The following RYR1 variants were observed in gnomAD, a reference collection of about 807,000 sequenced individuals.
RYR1 encodes ryanodine receptor 1, also known as central core disease of muscle.
RYR1 carries 342 observed loss-of-function variants against 583.5 expected under a neutral mutation model. That is an observed-to-expected ratio of 0.59 (90% CI 0.54 to 0.64). The LOEUF (loss-of-function observed/expected upper bound fraction) is 0.64. Ranked by LOEUF, RYR1 falls within the 30% of genes least tolerant of loss-of-function variation. The probability of loss-of-function intolerance (pLI) is 0.00; values close to 1 mark genes in which losing one functional copy is unlikely to be tolerated. For missense variants in RYR1, 6,032 were observed against 6,917.2 expected, an observed-to-expected ratio of 0.87 and a Z score of 4.54; for synonymous variants, 2,791 against 2,822.5, an observed-to-expected ratio of 0.99 and a Z score of 0.35.
Position 38,490,317 on chromosome 19 carries a change from C to G in RYR1, c.6015+41C>G, listed in dbSNP as rs749648943. 4.4e-6 allele frequency: 7 copies of G among 1,575,436 alleles called. No homozygotes were observed. In the East Asian group the frequency reaches 1.6e-4, roughly 36 times the overall value. ...ACGCTGGCCACTTTTACTGTCTAAA[C>G]CCCAACCTCAACATCTCCTGACTCT... is the stretch of plus-strand genomic sequence containing the variant. On this transcript the variant is annotated intron_variant, in intron 36 of 105. Coordinates refer to ENST00000359596, the MANE Select transcript of RYR1 (RefSeq NM_000540.3).
intron 70 of RYR1, 40 bp downstream of exon 70, chr19:38,523,969 T>C (rs759887604): frequency 1.6e-5 from 26 of 1,612,584 alleles, no homozygotes; most frequent in Non-Finnish European, 2.2e-5. Flanking sequence ...GTCTCTTGGC[T>C]AATGCCCTCT....
chr19:38,537,371 T>C (rs1399275474), intron 83 of RYR1, among the ~76,000 whole-genome samples: 1 of 152,160 alleles, frequency 6.6e-6, no homozygotes, highest in Admixed American at 6.5e-5. Flanking sequence ...TCCCCTGTGC[T>C]ACTCCTGGAT....
At chr19:38,501,250 A>G (rs1970104076) in intron 47 of RYR1, among the ~76,000 whole-genome samples, 1 of 152,200 alleles carries the variant, frequency 6.6e-6, no homozygotes, top group Non-Finnish European at 1.5e-5. Context: ...CTGTAATCCC[A>G]GCACTTTGGG....
At chr19:38,476,980 A>G (rs1968765756) in intron 29 of RYR1, among the ~76,000 whole-genome samples, 1 of 151,966 alleles carries the variant, frequency 6.6e-6, no homozygotes, top group Admixed American at 6.6e-5. Flanking sequence ...GCTGCAGGCT[A>G]CGATGGTGCC....
chr19:38,557,207 C>A (rs1048874368), intron 89 of RYR1, among the ~76,000 whole-genome samples: 5 of 151,974 alleles, frequency 3.3e-5, no homozygotes, highest in Middle Eastern at 6.8e-3. Flanking sequence ...GCATGAGCCA[C>A]GGCGCCCAGC....
intron 89 of RYR1, among the ~76,000 whole-genome samples, chr19:38,556,808 G>T (rs990207418): frequency 1.3e-5 from 2 of 152,112 alleles, no homozygotes; most frequent in African/African-American, 4.8e-5. Flanking sequence ...TGACCAATGC[G>T]TCCTTGTGGT....
intron 104 of RYR1, 26 bp downstream of exon 104, chr19:38,586,217 G>C (rs778511453): frequency 6.2e-7 from 1 of 1,603,266 alleles, no homozygotes; most frequent in Non-Finnish European, 8.5e-7. Flanking sequence ...GGCCAGTCAG[G>C]AGGGTGGGGG....
chr19:38,471,899 CAAAAAAAAA>C (rs35479919), intron 27 of RYR1, among the ~76,000 whole-genome samples: 1 of 60,000 alleles, frequency 1.7e-5, no homozygotes, highest in Non-Finnish European at 3.6e-5. Context: ...GACTCTGTCT[CAAAAAAAAA>C]AAAAAAAAAA....
intron 71 of RYR1, among the ~76,000 whole-genome samples, chr19:38,526,191 C>T (rs573819852): frequency 1.3e-3 from 193 of 152,106 alleles, no homozygotes; most frequent in African/African-American, 4.5e-3. Flanking sequence ...ACCTCTTAAG[C>T]TTGCTGGGAT....
chr19:38,523,543 CTCTG>C, intron 69 of RYR1: 1 of 613,464 alleles, frequency 1.6e-6, no homozygotes, highest in Non-Finnish European at 2.9e-6. Context: ...CTTCTCTCAT[CTCTG>C]TCTCCTTCCT....
chr19:38,495,174 C>T (rs1015215588), intron 39 of RYR1, among the ~76,000 whole-genome samples: 1 of 152,048 alleles, frequency 6.6e-6, no homozygotes, highest in Non-Finnish European at 1.5e-5. Context: ...TTTTGAGCTT[C>T]AGTTTCCTCA....
chr19:38,586,262 G>T, intron 104 of RYR1, 71 bp downstream of exon 104: 1 of 1,393,474 alleles, frequency 7.2e-7, no homozygotes, highest in South Asian at 1.2e-5. Context: ...GGGGTACTTA[G>T]CTTTGGCCAG....
intron 21 of RYR1, 90 bp from the exon 22 acceptor site, chr19:38,463,657 C>T: frequency 2.0e-6 from 3 of 1,476,948 alleles, no homozygotes; most frequent in Non-Finnish European, 9.5e-7. Context: ...GGTGGCAGAA[C>T]TAGGGTTGGA....
In RYR1 at chr19:38,583,307, A is replaced by AG. The variant is rs1307662562; in HGVS notation, c.14647-1636_14647-1635insG. ...AGCAAAACTCCATCTCAAAAAAAAA[A>AG]AAAAAAGAAAAAAGTACAAAAATTA... On this transcript the variant is annotated intron_variant, in intron 101 of 105. Coordinates refer to ENST00000359596, the MANE Select transcript of RYR1 (RefSeq NM_000540.3). Among the ~76,000 whole-genome samples the AG allele has an allele frequency of 1.2e-3, 175 of 151,418 alleles. 1 individual carries two copies. Among genetic ancestry groups the AG allele is most frequent in the African/African-American group, 3.9e-3 (162 of 41,250 alleles).
intron 25 of RYR1, among the ~76,000 whole-genome samples, chr19:38,468,173 T>C (rs1968226233): frequency 6.8e-6 from 1 of 146,570 alleles, no homozygotes; most frequent in Non-Finnish European, 1.5e-5. Context: ...ATAAAAAAAT[T>C]AGCTAGGCAA....
rs769713059 is a variant in RYR1, at chr19:38,456,274, A to ATTTTT, written c.1791+538_1791+542dup. On this transcript the variant is annotated intron_variant, in intron 16 of 105. Transcript: ENST00000359596. ...CAGGCGTGAACCACCAGCGCCTGGCATTTTTTTTTTTTTTTTTTTGATACA... is the reference window on the plus strand; with the variant it reads ...CAGGCGTGAACCACCAGCGCCTGGCATTTTTTTTTTTTTTTTTTTTTTTTGATACA... 1.2e-4 allele frequency among the ~76,000 whole-genome samples: 13 copies of ATTTTT among 106,686 alleles called. 1 individual carries two copies. The highest frequency in any genetic ancestry group is 2.4e-4 in the Admixed American group (2 of 8,414). 70.0% of individuals were successfully genotyped at this position (106,686 alleles called of 152,430 possible).
rs193922789 is a variant in RYR1 at position 38,494,465 on chromosome 19, G to A, written c.6388G>A (p.Gly2130Arg). The A allele has an allele frequency of 8.1e-6, 13 of 1,612,760 alleles. No homozygotes were observed. The highest frequency in any genetic ancestry group is 4.5e-5 in the East Asian group (2 of 44,892). The change falls in exon 39 of 106, where the codon GGG becomes AGG. Residue 2130 changes from glycine to arginine, a missense_variant. Around this residue, in one of 11 missense-constraint regions of RYR1, gnomAD observed 2,627 missense variants for 2,961.3 expected, o/e 0.89. Coordinates refer to ENST00000359596, the MANE Select transcript of RYR1 (RefSeq NM_000540.3). ...CAGCCTCCTGCACCGGCAGTACGAC[G>A]GGCTGGGTGAGCTGCTGCGTGCCCT... ...MFSLLHRQYD[G>R]LGELLRALPR...
chr19:38,457,660 T>A, intron 17 of RYR1, 30 bp downstream of exon 17: 3 of 1,609,280 alleles, frequency 1.9e-6, no homozygotes, highest in South Asian at 2.2e-5. Flanking sequence ...ACCCCAGAAC[T>A]CAGAACCTCT....
At chr19:38,518,224 G>GAAGA (rs2145684822) in intron 66 of RYR1, among the ~76,000 whole-genome samples, 1 of 151,322 alleles carries the variant, frequency 6.6e-6, no homozygotes, top group South Asian at 2.1e-4. Context: ...AGGAAGGAAG[G>GAAGA]AAGAAATGGA....
Sources: gnomAD v4.1 joint callset for allele counts (sites outside exome capture counted in the v4.1 genomes callset) on GRCh38, gnomAD v4.1.1 for gene constraint, gnomAD v4.1.1 regional missense constraint, MANE v1.5 for transcripts, NCBI Gene and HGNC (gene_info 2026-07-23, HGNC 2026-07-21) for gene names.